The following CNTN5 variants were observed in gnomAD, a reference collection of about 807,000 sequenced individuals.
CNTN5 encodes contactin 5, also known as contactin-5.
Under a neutral mutation model 129.1 loss-of-function variants are expected in CNTN5, and 77 were observed. The observed-to-expected ratio is 0.60, with a 90% CI of 0.50 to 0.72. The LOEUF (loss-of-function observed/expected upper bound fraction) is 0.72. Among genes scored for constraint, CNTN5 ranks in the 30% least tolerant of loss-of-function variants. The pLI, the probability that CNTN5 is intolerant of heterozygous loss-of-function variation, is 0.00. For synonymous variants in CNTN5, 509 were observed against 465.6 expected, an observed-to-expected ratio of 1.09 and a Z score of -1.20; for missense variants, 1,478 against 1,328.8, an observed-to-expected ratio of 1.11 and a Z score of -1.75.
intron 2 of CNTN5, among the ~76,000 whole-genome samples, chr11:99,396,558 T>C (rs1370801068): frequency 6.6e-6 from 1 of 151,584 alleles, no homozygotes; most frequent in South Asian, 2.1e-4. Flanking sequence ...CTTGAAGTTA[T>C]GAGAAAAAAA....
chr11:99,552,912 T>C (rs956889682), intron 2 of CNTN5, among the ~76,000 whole-genome samples: 4 of 152,174 alleles, frequency 2.6e-5, no homozygotes, highest in African/African-American at 9.6e-5. Flanking sequence ...AGTGGAAATA[T>C]ACTATTATTA....
intron 2 of CNTN5, among the ~76,000 whole-genome samples, chr11:99,399,735 A>G (rs1941701212): frequency 6.6e-6 from 1 of 151,878 alleles, no homozygotes; most frequent in African/African-American, 2.4e-5. Context: ...TGAAGATTAC[A>G]CTTTGGTTTT....
intron 7 of CNTN5, among the ~76,000 whole-genome samples, chr11:99,936,721 T>G (rs1950323656): frequency 6.6e-6 from 1 of 152,316 alleles, no homozygotes; most frequent in African/African-American, 2.4e-5. Flanking sequence ...AAGTGAAATC[T>G]GAAGCACTAC....
At chr11:99,507,796 C>T (rs1946682683) in intron 2 of CNTN5, among the ~76,000 whole-genome samples, 1 of 152,104 alleles carries the variant, frequency 6.6e-6, no homozygotes, top group African/African-American at 2.4e-5. Context: ...GTGCTTTCTT[C>T]CAGCTTCTTT....
intron 2 of CNTN5, among the ~76,000 whole-genome samples, chr11:99,427,527 G>A (rs1298615038): frequency 6.6e-6 from 1 of 152,000 alleles, no homozygotes; most frequent in Non-Finnish European, 1.5e-5. Flanking sequence ...AGCACTTTGG[G>A]AGGCCGAGGC....
rs571852933 is a variant in CNTN5 at position 100,204,595 on chromosome 11, C to G, written c.1884+10932C>G. On this transcript the variant is annotated intron_variant, in intron 15 of 24. Coordinates refer to ENST00000524871, the MANE Select transcript of CNTN5 (RefSeq NM_014361.4). ...GACTCAAGCCATCCTCCCACCTCAG[C>G]CTCCAGTTAAAGAGTTTTAGTTAAC... 6.6e-5 allele frequency among the ~76,000 whole-genome samples: 10 copies of G among 151,212 alleles called. No individual in the cohort carries two copies. The East Asian group carries it at 1.2e-3, about 18-fold the overall frequency.
At chr11:99,397,639 C>CT (rs748313665) in intron 2 of CNTN5, among the ~76,000 whole-genome samples, 12 of 151,718 alleles carry the variant, frequency 7.9e-5, no homozygotes, top group Non-Finnish European at 1.6e-4. Flanking sequence ...ATTAAGAGCT[C>CT]TTTCAGATAA....
At chr11:100,253,417 T>G (rs557743173) in intron 16 of CNTN5, among the ~76,000 whole-genome samples, 1 of 152,232 alleles carries the variant, frequency 6.6e-6, no homozygotes, top group African/African-American at 2.4e-5. Context: ...TATTATTTAT[T>G]AACTAAGTAA....
chr11:99,578,024 A>T (rs1310236325), intron 3 of CNTN5, among the ~76,000 whole-genome samples: 5 of 124,160 alleles, frequency 4.0e-5, no homozygotes, highest in Admixed American at 3.9e-4. Context: ...TTCCCCTTCC[A>T]GTGTCCATGT....
rs140293615 is a variant in CNTN5, at chr11:100,070,480, C to G, written c.1219C>G (p.Leu407Val). ...NDTQLDSGSP[L>V]RWECKATGKP... ...TACTCAGTTAGACAGTGGGAGCCCT[C>G]TCCGATGGGAATGTAAGGCTACTGG... is the stretch of plus-strand genomic sequence containing the variant. Residue 407 changes from leucine to valine, a missense_variant, in exon 11 of 25, where the codon CTC becomes GTC. Leu to Val is a conservative substitution (Grantham distance 32). Coordinates refer to ENST00000524871, the MANE Select transcript of CNTN5 (RefSeq NM_014361.4). The G allele has an allele frequency of 1.7e-5, 27 of 1,612,882 alleles. No individual in the cohort carries two copies. Among genetic ancestry groups the G allele is most frequent in the Non-Finnish European group, 2.2e-5 (26 of 1,179,378 alleles).
intron 3 of CNTN5, among the ~76,000 whole-genome samples, chr11:99,648,482 G>T (rs1296789364): frequency 1.3e-5 from 2 of 151,912 alleles, no homozygotes; most frequent in East Asian, 3.9e-4. Context: ...ATGTAAACCA[G>T]TGCAGTCACT....
At chr11:99,295,919 T>C (rs2135932745) in intron 1 of CNTN5, among the ~76,000 whole-genome samples, 1 of 151,178 alleles carries the variant, frequency 6.6e-6, no homozygotes, top group South Asian at 2.1e-4. Flanking sequence ...TTTTGACTGA[T>C]TATGAGGCAA....
At chr11:100,335,761 C>T in intron 21 of CNTN5, among the ~76,000 whole-genome samples, 1 of 140,098 alleles carries the variant, frequency 7.1e-6, no homozygotes. Flanking sequence ...GCGTGAGACT[C>T]CATCTCAAAA....
At chr11:99,444,539 T>G (rs1437476127) in intron 2 of CNTN5, among the ~76,000 whole-genome samples, 12 of 152,214 alleles carry the variant, frequency 7.9e-5, no homozygotes, top group Admixed American at 7.9e-4. Flanking sequence ...AATGATTATC[T>G]ATCCTTTATT....
At chr11:99,171,591 A>G (rs1861152305) in intron 1 of CNTN5, among the ~76,000 whole-genome samples, 1 of 152,178 alleles carries the variant, frequency 6.6e-6, no homozygotes, top group African/African-American at 2.4e-5. Flanking sequence ...AGTCAGCTGA[A>G]GTAGAAACAA....
intron 4 of CNTN5, among the ~76,000 whole-genome samples, chr11:99,830,671 C>T (rs1450078496): frequency 6.6e-6 from 1 of 152,024 alleles, no homozygotes; most frequent in East Asian, 1.9e-4. Flanking sequence ...AAATTGAGAC[C>T]ATATTCTAAT....
At chr11:100,129,810 G>A (rs1319555364) in intron 13 of CNTN5, among the ~76,000 whole-genome samples, 7 of 151,488 alleles carry the variant, frequency 4.6e-5, no homozygotes, top group East Asian at 3.9e-4. Context: ...ATGTAAAAAC[G>A]AGAATCTCAT....
Position 100,297,432 on chromosome 11 carries a change from G to A in CNTN5, c.2315-193G>A, listed in dbSNP as rs562430570. Among the ~76,000 whole-genome samples the A allele has an allele frequency of 5.5e-4, 83 of 151,318 alleles. 1 individual carries two copies. The South Asian group carries it at 0.017, about 30-fold the overall frequency. The stretch of plus-strand genomic sequence containing the variant: ...TTTCAAGAGGCATGGTGCAATAAGT[G>A]GTCATGAAAAAAAAAGTGTATCAAA... On this transcript the variant is annotated intron_variant, in intron 18 of 24. Coordinates refer to ENST00000524871, the MANE Select transcript of CNTN5 (RefSeq NM_014361.4).
intron 9 of CNTN5, among the ~76,000 whole-genome samples, chr11:100,050,490 G>T (rs192578640): frequency 0.043 from 6,522 of 152,034 alleles, 158 homozygotes; most frequent in African/African-American, 0.07. Context: ...TGGGGAGAGG[G>T]GGGAGGGATA....
Sources: allele counts gnomAD v4.1 joint callset (sites outside exome capture counted in the v4.1 genomes callset), GRCh38; gene constraint gnomAD v4.1.1; transcripts MANE v1.5; gene names NCBI Gene and HGNC (gene_info 2026-07-23, HGNC 2026-07-21).